AGBL4: variants seen among roughly 807,000 people sequenced by gnomAD.
AGBL4 encodes cytosolic carboxypeptidase 6.
In AGBL4, 58 loss-of-function variants were observed where a neutral mutation model predicts 66.4. That is an observed-to-expected ratio of 0.87 (90% CI 0.71 to 1.09). The LOEUF (loss-of-function observed/expected upper bound fraction) is 1.09, where lower values mean the gene tolerates loss of function less well. Among genes scored for constraint, AGBL4 ranks in the 50% least tolerant of loss-of-function variants. The pLI is 0.00. For synonymous variants in AGBL4, 234 were observed against 222.9 expected (o/e 1.05, Z -0.44); for missense variants, 579 against 631.0 (o/e 0.92, Z 0.88).
intron 1 of AGBL4, among the ~76,000 whole-genome samples, chr1:49,984,054 T>A (rs1659304099): frequency 6.6e-6 from 1 of 152,240 alleles, no homozygotes; most frequent in South Asian, 2.1e-4. Flanking sequence ...TACCAAATTA[T>A]ATACGGGACC....
chr1:49,110,252 T>G (rs1645379430), intron 4 of AGBL4, among the ~76,000 whole-genome samples: 1 of 152,208 alleles, frequency 6.6e-6, no homozygotes, highest in Admixed American at 6.5e-5. Flanking sequence ...AAACCCAGAA[T>G]GAATTCTTCC....
chr1:48,677,640 G>A (rs146442352), intron 6 of AGBL4, among the ~76,000 whole-genome samples: 400 of 152,312 alleles, frequency 2.6e-3, no homozygotes, highest in African/African-American at 8.5e-3. Flanking sequence ...GAGCAGCTGC[G>A]ACGTCAGTCT....
At chr1:49,486,959 C>T (rs537287863) in intron 3 of AGBL4, among the ~76,000 whole-genome samples, 8 of 152,010 alleles carry the variant, frequency 5.3e-5, no homozygotes, top group African/African-American at 9.6e-5. Flanking sequence ...ATGCATACCT[C>T]GTCCTCCAAA....
chr1:49,084,505 T>C (rs1644868778), intron 4 of AGBL4, among the ~76,000 whole-genome samples: 1 of 152,168 alleles, frequency 6.6e-6, no homozygotes, highest in Non-Finnish European at 1.5e-5. Flanking sequence ...CTCCCATTTA[T>C]AAAACCATCA....
intron 2 of AGBL4, among the ~76,000 whole-genome samples, chr1:49,797,084 A>T (rs1185727611): frequency 6.6e-6 from 1 of 152,206 alleles, no homozygotes; most frequent in Non-Finnish European, 1.5e-5. Flanking sequence ...TGTACTACAT[A>T]GTCTAAATCT....
At chr1:48,522,966 T>A in the AGBL4 span, among the ~76,000 whole-genome samples, 1 of 151,186 alleles carries the variant, frequency 6.6e-6, no homozygotes, top group Non-Finnish European at 1.5e-5. Context: ...TACCTAGTCC[T>A]CATTAGGGTT....
At chr1:48,921,988 T>C (rs1189247651) in intron 5 of AGBL4, among the ~76,000 whole-genome samples, 7 of 152,316 alleles carry the variant, frequency 4.6e-5, no homozygotes, top group Non-Finnish European at 1.0e-4. Flanking sequence ...TCTAAAAATC[T>C]CAGCAAATTA....
chr1:49,532,886 T>G (rs1052251451), intron 3 of AGBL4, among the ~76,000 whole-genome samples: 1 of 151,070 alleles, frequency 6.6e-6, no homozygotes, highest in African/African-American at 2.4e-5. Flanking sequence ...CTTTTTATAC[T>G]GTTATGGTTT....
At position 48,997,004 on chromosome 1, in the gene AGBL4, C is replaced by T. The variant is rs140539585; in HGVS notation, c.594+48580G>A. 1.7e-4 allele frequency among the ~76,000 whole-genome samples: 26 copies of T among 152,282 alleles called. No individual in the cohort carries two copies. In the East Asian group the frequency reaches 4.8e-3, roughly 28 times the overall value. On this transcript the variant is annotated intron_variant, in intron 5 of 13. Coordinates refer to ENST00000371839, the MANE Select transcript of AGBL4 (RefSeq NM_032785.4). ...ATGGTGCAATCTCAGCCCACTACAACCTCCACCTCAGGGGTTCAAGCAATT... is the reference window on the plus strand; with the variant it reads ...ATGGTGCAATCTCAGCCCACTACAATCTCCACCTCAGGGGTTCAAGCAATT...
the AGBL4 span, among the ~76,000 whole-genome samples, chr1:48,525,837 T>C: frequency 6.6e-6 from 1 of 152,216 alleles, no homozygotes; most frequent in Non-Finnish European, 1.5e-5. Context: ...AGAGGAAGAC[T>C]TTGGGATATT....
chr1:49,144,105 A>G (rs1433345226), intron 4 of AGBL4, among the ~76,000 whole-genome samples: 1 of 152,210 alleles, frequency 6.6e-6, no homozygotes, highest in Non-Finnish European at 1.5e-5. Flanking sequence ...TAGCAAGGCT[A>G]ATTCATGACA....
chr1:49,812,224 C>T (rs1204018657), intron 2 of AGBL4, among the ~76,000 whole-genome samples: 1 of 152,200 alleles, frequency 6.6e-6, no homozygotes, highest in Non-Finnish European at 1.5e-5. Flanking sequence ...CATTCCCCCT[C>T]TGGCTTAGTG....
intron 5 of AGBL4, among the ~76,000 whole-genome samples, chr1:48,873,160 G>C (rs1648860361): frequency 6.6e-6 from 1 of 152,166 alleles, no homozygotes; most frequent in Admixed American, 6.5e-5. Flanking sequence ...CTTAGCCTTA[G>C]GTGGCTTTTG....
intron 2 of AGBL4, among the ~76,000 whole-genome samples, chr1:49,816,666 G>T (rs866516689): frequency 1.4e-4 from 21 of 152,098 alleles, no homozygotes; most frequent in African/African-American, 5.1e-4. Flanking sequence ...TATCAAGAAA[G>T]AACTCATTTT....
intron 3 of AGBL4, among the ~76,000 whole-genome samples, chr1:49,295,940 A>C (rs1055369910): frequency 6.6e-6 from 1 of 152,210 alleles, no homozygotes; most frequent in Non-Finnish European, 1.5e-5. Context: ...AAACTAAAGA[A>C]AGCCCAAACA....
At chr1:48,982,250 G>T (rs1366173705) in intron 5 of AGBL4, among the ~76,000 whole-genome samples, 1 of 152,118 alleles carries the variant, frequency 6.6e-6, no homozygotes, top group Non-Finnish European at 1.5e-5. Context: ...CAACGTGCAG[G>T]TTTGTTACAT....
chr1:49,514,420 A>C (rs1304449663), intron 3 of AGBL4, among the ~76,000 whole-genome samples: 1 of 152,070 alleles, frequency 6.6e-6, no homozygotes, highest in Non-Finnish European at 1.5e-5. Flanking sequence ...TTCCATGCTC[A>C]TGGGTAGGAA....
chr1:49,079,106 A>T (rs528879554), intron 4 of AGBL4, among the ~76,000 whole-genome samples: 4 of 152,334 alleles, frequency 2.6e-5, no homozygotes, highest in African/African-American at 9.6e-5. Flanking sequence ...CTGTTTCTTT[A>T]GGGTCTGCAC....
intron 3 of AGBL4, among the ~76,000 whole-genome samples, chr1:49,675,258 T>G (rs566941175): frequency 6.6e-6 from 1 of 152,262 alleles, no homozygotes; most frequent in African/African-American, 2.4e-5. Flanking sequence ...GAATCTTTCA[T>G]GGGCCCCTTG....
Sources: allele counts gnomAD v4.1 joint callset (sites outside exome capture counted in the v4.1 genomes callset), GRCh38; gene constraint gnomAD v4.1.1; transcripts MANE v1.5; gene names NCBI Gene and HGNC (gene_info 2026-07-23, HGNC 2026-07-21).